Variants in TEPSIN observed in about 807,000 individuals in gnomAD.
TEPSIN encodes AP-4 complex accessory subunit tepsin.
Under a neutral mutation model 48.5 loss-of-function variants are expected in TEPSIN, and 50 were observed. The observed-to-expected ratio is 1.03, with a 90% confidence interval of 0.82 to 1.31. TEPSIN has a LOEUF of 1.31. Among genes scored for constraint, TEPSIN ranks in the 50% most tolerant of loss-of-function variants. The probability of loss-of-function intolerance (pLI) is 0.00; values close to 1 mark genes in which losing one functional copy is unlikely to be tolerated. For synonymous variants in TEPSIN, 392 were observed against 358.8 expected (o/e 1.09, Z -1.05); for missense variants, 838 against 815.9 (o/e 1.03, Z -0.33).
chr17:81,236,052 C>T (rs114712206), intron 4 of TEPSIN, among the ~76,000 whole-genome samples: 157 of 152,274 alleles, frequency 1.0e-3, no homozygotes, highest in African/African-American at 3.4e-3. Context: ...AGACATGGTG[C>T]GCCCAGTGAC....
In TEPSIN at chr17:81,233,409, C is replaced by A. The variant is rs760741421; in HGVS notation, c.526+23G>T. On this transcript the variant is annotated intron_variant, in intron 7 of 12. Coordinates refer to ENST00000637944, the MANE Select transcript of TEPSIN (RefSeq NM_001363764.2). The surrounding 1 kb of genome is among the most constrained non-coding windows in gnomAD (Gnocchi z 5.8). ...TCCCCACACCCTGAGATGCCAGAGC[C>A]CATGCAGGCCCTCCCCACTCACCCG... 7 of 1,608,590 alleles carry A rather than the reference C, an allele frequency of 4.4e-6. No individual in the cohort carries two copies. The Admixed American group carries it at 6.7e-5, about 15-fold the overall frequency.
rs1863211262 is a variant in TEPSIN, at chr17:81,229,161, T to A, written c.1549A>T (p.Ile517Phe). The stretch of plus-strand genomic sequence containing the variant: ...TTTGGGCTGTCCGTGCCCCCTGGGA[T>A]CCGTTCAGGTCTCCACCGCCTGCTT... ...AESRRWRPERIPGGTDSPKRG... is the reference protein window; with the variant it reads ...AESRRWRPERFPGGTDSPKRG... The change falls in exon 13 of 13, where the codon ATC becomes TTC. Residue 517 changes from isoleucine (I) to phenylalanine (F), a missense_variant. Coordinates refer to ENST00000637944, the MANE Select transcript of TEPSIN (RefSeq NM_001363764.2). The A allele has an allele frequency of 6.2e-7, 1 of 1,605,396 alleles. No homozygotes were observed. Among genetic ancestry groups the A allele is most frequent in the East Asian group, 2.3e-5 (1 of 44,344 alleles).
Position 81,234,750 on chromosome 17 carries a change from C to A in TEPSIN, c.308-702G>T, listed in dbSNP as rs541496787. ...CAGGGCTGGCGGCCACAAGCTGAGT[C>A]AATGGCTGGATGAACTGACACCCTG... On this transcript the variant is annotated intron_variant, in intron 4 of 12. Transcript: ENST00000637944. The surrounding 1 kb of genome is among the most constrained non-coding windows in gnomAD (Gnocchi z 5.4). Among the ~76,000 whole-genome samples the A allele has an allele frequency of 1.3e-5, 2 of 152,224 alleles. No homozygotes were observed. Among genetic ancestry groups the A allele is most frequent in the South Asian group, 4.1e-4 (2 of 4,820 alleles).
intron 12 of TEPSIN, chr17:81,229,780 G>T: frequency 2.3e-6 from 1 of 443,532 alleles, no homozygotes; most frequent in Non-Finnish European, 4.0e-6. Context: ...AGGCACTGCC[G>T]GAGGGAGTGA....
At chr17:81,232,887 A>C (rs2062646805) in intron 7 of TEPSIN, 2 of 238,188 alleles carry the variant, frequency 8.4e-6, no homozygotes, top group African/African-American at 4.5e-5. Flanking sequence ...AGCTGCCCCG[A>C]CACCAAAGTG....
In TEPSIN at chr17:81,232,362, G is replaced by A; in HGVS notation, c.683C>T (p.Pro228Leu). ...GGGGAGTAGGTTCCCCAGGGTTGGG[G>A]GACCGTGGCTGGCTGAAGGCATCAT... ...PAMMPSASHG[P>L]PTLGNLLPGA... The change falls in exon 8 of 13, where the codon CCC (proline) becomes CTC (leucine). Residue 228 changes from proline (P) to leucine (L), a missense_variant. Pro to Leu is a moderately conservative substitution (Grantham distance 98). Transcript: ENST00000637944. 2.0e-6 allele frequency: 3 copies of A among 1,535,440 alleles called. No individual in the cohort carries two copies. Among genetic ancestry groups the A allele is most frequent in the Non-Finnish European group, 2.6e-6 (3 of 1,146,388 alleles).
Position 81,231,959 on chromosome 17 carries a change from A to G in TEPSIN, c.793T>C (p.Ser265Pro). The part of the protein sequence containing the change: ...GWDELDSGPS[S>P]QNSSQNSDLS... Reference sequence around the variant, plus strand: ...TCGCTGTTCTGGGAGGAATTCTGAGAGCTGGGGCCGCTGTCCAGCTCATCC... The same window carrying G: ...TCGCTGTTCTGGGAGGAATTCTGAGGGCTGGGGCCGCTGTCCAGCTCATCC... The change falls in exon 9 of 13, where the codon TCT becomes CCT. Residue 265 changes from serine to proline, a missense_variant. Ser to Pro is a moderately conservative substitution (Grantham distance 74). Transcript: ENST00000637944. 6.2e-7 allele frequency: 1 copy of G among 1,613,258 alleles called. No homozygotes were observed. Among genetic ancestry groups the G allele is most frequent in the Non-Finnish European group, 8.5e-7 (1 of 1,179,944 alleles).
Position 81,238,998 on chromosome 17 carries a change from G to A in TEPSIN, c.36C>T (p.Ser12=), listed in dbSNP as rs956432134. ...AAAPPLRDRL[S]FLHRLPILLK... ...CGCCCTCACTCACCCGGTGTAGAAA[G>A]CTCAGGCGGTCCCGTAGCGGCGGCG... Residue 12 remains serine, a synonymous_variant, in exon 1 of 13, where the codon AGC becomes AGT. Coordinates refer to ENST00000637944, the MANE Select transcript of TEPSIN (RefSeq NM_001363764.2). 7 of 1,487,844 alleles carry A rather than the reference G, an allele frequency of 4.7e-6. No homozygotes were observed. The highest frequency in any genetic ancestry group is 1.5e-5 in the African/African-American group (1 of 68,312). The allele number at this position is 1,487,844 out of a possible 1,614,324, so 92.2% of individuals were successfully genotyped here. A position where few individuals can be genotyped will look rare whatever the true frequency, so the allele number is the denominator to read the frequency against.
intron 3 of TEPSIN, 52 bp downstream of exon 3, chr17:81,236,928 C>T: frequency 6.5e-7 from 1 of 1,538,732 alleles, no homozygotes; most frequent in African/African-American, 1.4e-5. Flanking sequence ...CCTCCATCCT[C>T]ACCACCGTGG....
Position 81,237,019 on chromosome 17 carries a change from C to G in TEPSIN, c.174G>C (p.Leu58=). The change falls in exon 3 of 13, where the codon CTG becomes CTC. Residue 58 remains leucine, a synonymous_variant. Coordinates refer to ENST00000637944, the MANE Select transcript of TEPSIN (RefSeq NM_001363764.2). The part of the protein sequence containing the change: ...GSSQCLLEYL[L]SRLHSSSGHG... ...GGCCGGAGCTGCTGTGCAGGCGGCTCAGGAGGTACTCCAGCAGGCACTGGC... is the reference window on the plus strand; with the variant it reads ...GGCCGGAGCTGCTGTGCAGGCGGCTGAGGAGGTACTCCAGCAGGCACTGGC... 1.3e-6 allele frequency: 2 copies of G among 1,597,628 alleles called. No homozygotes were observed. Among genetic ancestry groups the G allele is most frequent in the African/African-American group, 2.7e-5 (2 of 74,780 alleles).
chr17:81,236,595 G>A (rs774042281), intron 4 of TEPSIN, 113 bp downstream of exon 4: 222 of 1,113,274 alleles, frequency 2.0e-4, no homozygotes, highest in Middle Eastern at 7.9e-4. Flanking sequence ...ATCGGGACCC[G>A]GCCCAGGTGA....
intron 12 of TEPSIN, 67 bp from the exon 13 acceptor site, chr17:81,229,543 G>A (rs1276010299): frequency 1.7e-5 from 26 of 1,500,812 alleles, no homozygotes; most frequent in African/African-American, 5.6e-5. Context: ...ACCAGGGCCC[G>A]CTTCTCCCTA....
In TEPSIN at chr17:81,233,515, C is replaced by T; in HGVS notation, c.455-12G>A. 1.3e-6 allele frequency: 2 copies of T among 1,586,744 alleles called. No homozygotes were observed. Among genetic ancestry groups the T allele is most frequent in the South Asian group, 1.1e-5 (1 of 88,076 alleles). Reference sequence around the variant, plus strand: ...CTGGGAGCCCATGCCTGCAGAGGGTCCTCCGTTAGCAGCAAGCCGGCCCCC... The same window carrying T: ...CTGGGAGCCCATGCCTGCAGAGGGTTCTCCGTTAGCAGCAAGCCGGCCCCC... On this transcript the variant is annotated splice_polypyrimidine_tract_variant and intron_variant, in intron 6 of 12. Transcript: ENST00000637944. This position sits in a 1 kb window ranked among gnomAD's most constrained non-coding sequence, Gnocchi z 5.8.
At chr17:81,231,519 C>A (rs573804749) in intron 10 of TEPSIN, 43 bp from the exon 11 acceptor site, 1 of 1,576,134 alleles carries the variant, frequency 6.3e-7, no homozygotes, top group Admixed American at 1.8e-5. Context: ...GGCCCGTTCC[C>A]TCCTCCCTCG....
At chr17:81,231,283 G>T in intron 11 of TEPSIN, 115 bp downstream of exon 11, 1 of 1,114,370 alleles carries the variant, frequency 9.0e-7, no homozygotes, top group Non-Finnish European at 1.3e-6. Flanking sequence ...CCACACAGAG[G>T]AATGTTCACA....
chr17:81,231,725 G>A (rs953484951), intron 9 of TEPSIN, 34 bp from the exon 10 acceptor site: 2 of 1,609,396 alleles, frequency 1.2e-6, no homozygotes, highest in African/African-American at 2.7e-5. Context: ...AAGGGTGAGT[G>A]GAGGCCATGC....
At position 81,231,694 on chromosome 17, in the gene TEPSIN, G is replaced by A; in HGVS notation, c.906-3C>T. On this transcript the variant is annotated splice_polypyrimidine_tract_variant and splice_region_variant and intron_variant, in intron 9 of 12. Transcript: ENST00000637944. ...CACTCAGGGCCACCACCTCGACCCT[G>A]CCAGGGGGAATGGCCGGGTCAAGGG... 2 of 1,611,224 alleles carry A rather than the reference G, an allele frequency of 1.2e-6. No homozygotes were observed. Among genetic ancestry groups the A allele is most frequent in the Non-Finnish European group, 1.7e-6 (2 of 1,178,880 alleles).
rs564123416 is a variant in TEPSIN, at chr17:81,238,825, CG to C, written c.48+160del. ...CTTGGAAGGCCCCGGGACGGCGCGGCGGGCGGGCAGCTCAGGGGCGTCGGCG... is the reference window on the plus strand; with the variant it reads ...CTTGGAAGGCCCCGGGACGGCGCGGCGGCGGGCAGCTCAGGGGCGTCGGCG... On this transcript the variant is annotated intron_variant, in intron 1 of 12. Transcript: ENST00000637944. 7.4e-3 allele frequency: 9,892 copies of C among 1,332,138 alleles called. 52 individuals are homozygous for C. The highest frequency in any genetic ancestry group is 8.5e-3 in the Admixed American group (204 of 23,902). The allele number at this position is 1,332,138 out of a possible 1,614,324, so 82.5% of individuals were successfully genotyped here. A position where few individuals can be genotyped will look rare whatever the true frequency, so the allele number is the denominator to read the frequency against.
At chr17:81,232,237 C>T (rs2062629258) in intron 8 of TEPSIN, 78 bp downstream of exon 8, 7 of 1,424,000 alleles carry the variant, frequency 4.9e-6, no homozygotes, top group Non-Finnish European at 6.5e-6. Context: ...CTGGGATTTG[C>T]CTCCGTGGCC....
Sources: allele counts gnomAD v4.1 joint callset (sites outside exome capture counted in the v4.1 genomes callset), GRCh38; gene constraint gnomAD v4.1.1; non-coding constraint Gnocchi (gnomAD v3.1); transcripts MANE v1.5; gene names NCBI Gene and HGNC (gene_info 2026-07-23, HGNC 2026-07-21).